Variants in ANKIB1 observed in about 807,000 individuals in gnomAD.
The protein encoded by ANKIB1 is ankyrin repeat and IBR domain containing 1, also known as ankyrin repeat and IBR domain-containing protein 1.
In ANKIB1, 43 loss-of-function variants were observed where a neutral mutation model predicts 122.1. The ratio of observed to expected loss-of-function variants is 0.35; its 90% CI spans 0.28 to 0.45. The LOEUF (loss-of-function observed/expected upper bound fraction) is 0.45, where lower values mean the gene tolerates loss of function less well. ANKIB1 is among the 20% of genes least tolerant of loss of function. The pLI, the probability that ANKIB1 is intolerant of heterozygous loss-of-function variation, is 1.00. For missense variants in ANKIB1, 992 were observed against 1,329.5 expected, an observed-to-expected ratio of 0.75 and a Z score of 3.95; for synonymous variants, 390 against 442.0, an observed-to-expected ratio of 0.88 and a Z score of 1.48.
intron 17 of ANKIB1, among the ~76,000 whole-genome samples, chr7:92,395,388 T>C (rs1239873520): frequency 6.6e-6 from 1 of 152,162 alleles, no homozygotes; most frequent in African/African-American, 2.4e-5. Context: ...ACCTAACATT[T>C]GTCTTTTAAT....
intron 11 of ANKIB1, among the ~76,000 whole-genome samples, chr7:92,381,591 AT>A (rs1804517094): frequency 6.6e-6 from 1 of 152,226 alleles, no homozygotes; most frequent in African/African-American, 2.4e-5. Flanking sequence ...AATATTCAAC[AT>A]TCTTAAAGAA....
At chr7:92,378,638 A>C (rs1804441493) in intron 11 of ANKIB1, among the ~76,000 whole-genome samples, 1 of 152,184 alleles carries the variant, frequency 6.6e-6, no homozygotes, top group East Asian at 1.9e-4. Context: ...CAAGAACAAG[A>C]TGAAGATATT....
At chr7:92,356,795 A>G (rs1036486432) in intron 9 of ANKIB1, among the ~76,000 whole-genome samples, 1 of 152,246 alleles carries the variant, frequency 6.6e-6, no homozygotes, top group African/African-American at 2.4e-5. Flanking sequence ...TTGATAGGTT[A>G]CTGAACCTCT....
intron 1 of ANKIB1, among the ~76,000 whole-genome samples, chr7:92,280,066 C>G (rs1411698498): frequency 1.3e-5 from 2 of 152,202 alleles, no homozygotes; most frequent in African/African-American, 4.8e-5. Context: ...GCTATGGAGA[C>G]TTATTCTGTT....
chr7:92,254,564 T>G (rs1801397549), intron 1 of ANKIB1, among the ~76,000 whole-genome samples: 2 of 152,168 alleles, frequency 1.3e-5, no homozygotes, highest in African/African-American at 4.8e-5. Context: ...CCCTAACTAC[T>G]TATGAGGCTA....
At chr7:92,348,236 A>C (rs1803581698) in intron 7 of ANKIB1, among the ~76,000 whole-genome samples, 1 of 152,182 alleles carries the variant, frequency 6.6e-6, no homozygotes, top group Non-Finnish European at 1.5e-5. Context: ...AAACATCATC[A>C]TGTAGTAACT....
At position 92,376,445 on chromosome 7, in the gene ANKIB1, A is replaced by ATT. The variant is rs1226527636; in HGVS notation, c.1617+4843_1617+4844dup. 2.9e-4 allele frequency among the ~76,000 whole-genome samples: 42 copies of ATT among 143,062 alleles called. No homozygotes were observed. The East Asian group carries it at 5.3e-3, about 18-fold the overall frequency. The allele number at this position is 143,062 out of a possible 152,430, so 93.9% of individuals were successfully genotyped here. ...CTGCTTTACCTTGCACTTTTTTTTT[A>ATT]TTTTTTATTTTTTTTTTTTTTGAGA... On this transcript the variant is annotated intron_variant, in intron 11 of 19. Coordinates refer to ENST00000265742, the MANE Select transcript of ANKIB1 (RefSeq NM_019004.2).
At chr7:92,324,379 G>A (rs112952692) in intron 4 of ANKIB1, among the ~76,000 whole-genome samples, 5,168 of 152,060 alleles carry the variant, frequency 0.034, 251 homozygotes, top group African/African-American at 0.11. Context: ...GATTACAGGC[G>A]CCCACTGCCA....
chr7:92,361,255 A>G lies in ANKIB1; in HGVS notation c.1398-930A>G, dbSNP rs374942909. 2.6e-5 allele frequency among the ~76,000 whole-genome samples: 4 copies of G among 152,342 alleles called. 1 individual carries two copies. On this transcript the variant is annotated intron_variant, in intron 9 of 19. Coordinates refer to ENST00000265742, the MANE Select transcript of ANKIB1 (RefSeq NM_019004.2). Reference sequence around the variant, plus strand: ...TAAATAGCTATGGAAAGAATATAAAATAGAGTTACAAATGGTAAATTGATG... The same window carrying G: ...TAAATAGCTATGGAAAGAATATAAAGTAGAGTTACAAATGGTAAATTGATG...
intron 7 of ANKIB1, among the ~76,000 whole-genome samples, chr7:92,347,341 A>G (rs1803562427): frequency 6.6e-6 from 1 of 151,904 alleles, no homozygotes; most frequent in African/African-American, 2.4e-5. Flanking sequence ...CATTATTGTT[A>G]GTGTATTTTT....
At chr7:92,333,384 C>T (rs532047970) in intron 5 of ANKIB1, among the ~76,000 whole-genome samples, 126 of 152,158 alleles carry the variant, frequency 8.3e-4, no homozygotes, top group Admixed American at 2.4e-3. Context: ...AGGGTGTTAC[C>T]CTCCCTCCTG....
chr7:92,273,504 C>T (rs1332425763), intron 1 of ANKIB1, among the ~76,000 whole-genome samples: 1 of 152,148 alleles, frequency 6.6e-6, no homozygotes, highest in African/African-American at 2.4e-5. Context: ...CTGTGCCTCA[C>T]GACCAAGATT....
intron 9 of ANKIB1, among the ~76,000 whole-genome samples, chr7:92,353,159 A>G (rs903370936): frequency 6.6e-6 from 1 of 152,198 alleles, no homozygotes; most frequent in Admixed American, 6.5e-5. Context: ...CTAACAAGTA[A>G]GATTTTGATT....
chr7:92,373,956 G>GT (rs1804327366), intron 11 of ANKIB1, among the ~76,000 whole-genome samples: 1 of 151,984 alleles, frequency 6.6e-6, no homozygotes, highest in African/African-American at 2.4e-5. Flanking sequence ...ATGCTATAAC[G>GT]TTTTTTCCAT....
intron 6 of ANKIB1, among the ~76,000 whole-genome samples, chr7:92,343,463 C>G (rs1242333731): frequency 6.6e-6 from 1 of 151,980 alleles, no homozygotes; most frequent in Non-Finnish European, 1.5e-5. Context: ...TCCTCATTTC[C>G]AAACAGAGAA....
chr7:92,396,543 A>C lies in ANKIB1; in HGVS notation c.2395+67A>C, dbSNP rs947510403. ...CTGAATTTATCCTTCAAACTGGCTG[A>C]TGTAAATTTTTGTGAACGAGTTTGT... On this transcript the variant is annotated intron_variant, in intron 18 of 19. Coordinates refer to ENST00000265742, the MANE Select transcript of ANKIB1 (RefSeq NM_019004.2). 2.4e-5 allele frequency: 19 copies of C among 806,586 alleles called. No homozygotes were observed. The African/African-American group carries it at 3.2e-4, about 13-fold the overall frequency. 50.0% of individuals were successfully genotyped at this position (806,586 alleles called of 1,614,324 possible).
rs1425437437 is a variant in ANKIB1 at position 92,320,829 on chromosome 7, A to C, written c.669+1317A>C. Among the ~76,000 whole-genome samples the C allele has an allele frequency of 2.6e-5, 4 of 152,288 alleles. No homozygotes were observed. In the South Asian group the frequency reaches 6.2e-4, roughly 24 times the overall value. On this transcript the variant is annotated intron_variant, in intron 4 of 19. Transcript: ENST00000265742. ...TTTTAAATGTTATACATATCATTTA[A>C]ATCATTTAATGATTTTTCGTTGTAC... is the stretch of plus-strand genomic sequence containing the variant.
At chr7:92,361,526 C>T (rs950069659) in intron 9 of ANKIB1, among the ~76,000 whole-genome samples, 1 of 152,148 alleles carries the variant, frequency 6.6e-6, no homozygotes, top group East Asian at 1.9e-4. Flanking sequence ...GCCAGGAATA[C>T]ACCTTTGAAT....
chr7:92,331,392 C>T (rs537784315), intron 5 of ANKIB1, among the ~76,000 whole-genome samples: 14 of 151,800 alleles, frequency 9.2e-5, no homozygotes, highest in Non-Finnish European at 1.3e-4. Flanking sequence ...CTCAGCCTCC[C>T]GAGTAGCTGG....
Sources: allele counts gnomAD v4.1 joint callset (sites outside exome capture counted in the v4.1 genomes callset), GRCh38; gene constraint gnomAD v4.1.1; transcripts MANE v1.5; gene names NCBI Gene and HGNC (gene_info 2026-07-23, HGNC 2026-07-21).